The following TFRC variants were observed in gnomAD, a reference collection of about 807,000 sequenced individuals.
TFRC encodes transferrin receptor.
In TFRC, 35 loss-of-function variants were observed where a neutral mutation model predicts 85.8. The observed-to-expected ratio is 0.41, with a 90% confidence interval of 0.31 to 0.54. The LOEUF (loss-of-function observed/expected upper bound fraction) is 0.54. Ranked by LOEUF, TFRC falls within the 20% of genes least tolerant of loss-of-function variation. The pLI, the probability that TFRC is intolerant of heterozygous loss-of-function variation, is 0.31. For missense variants in TFRC, 828 were observed against 921.5 expected (o/e 0.90, Z 1.31); for synonymous variants, 362 against 328.6 (o/e 1.10, Z -1.10).
At chr3:196,052,911 G>T (rs1035177426) in intron 18 of TFRC, among the ~76,000 whole-genome samples, 9 of 151,986 alleles carry the variant, frequency 5.9e-5, no homozygotes, top group Admixed American at 5.9e-4. Context: ...TTGGGAGTTC[G>T]AGACCGGCCT....
chr3:196,078,844 G>C (rs558397962), intron 1 of TFRC, among the ~76,000 whole-genome samples: 58 of 149,974 alleles, frequency 3.9e-4, no homozygotes, highest in Non-Finnish European at 7.8e-4. Flanking sequence ...GCAGGATCTC[G>C]GCTCACTGCA....
At chr3:196,073,270 C>T (rs1718379679) in intron 4 of TFRC, among the ~76,000 whole-genome samples, 1 of 145,644 alleles carries the variant, frequency 6.9e-6, no homozygotes, top group Non-Finnish European at 1.5e-5. Flanking sequence ...GCCTGGGAGA[C>T]ATGGTGAGAC....
chr3:196,064,108 T>C (rs1029974046), intron 11 of TFRC, among the ~76,000 whole-genome samples: 51 of 152,166 alleles, frequency 3.4e-4, no homozygotes, highest in Non-Finnish European at 7.3e-5. Flanking sequence ...ACTGGTGATT[T>C]CTAGCACAGT....
At chr3:196,070,692 G>A (rs2108652088) in intron 6 of TFRC, among the ~76,000 whole-genome samples, 1 of 151,358 alleles carries the variant, frequency 6.6e-6, no homozygotes, top group South Asian at 2.1e-4. Flanking sequence ...CACTTTGGGA[G>A]GCTGAGGGTG....
At chr3:196,068,760 T>C (rs1717946222) in intron 7 of TFRC, among the ~76,000 whole-genome samples, 1 of 150,328 alleles carries the variant, frequency 6.7e-6, no homozygotes, top group African/African-American at 2.4e-5. Context: ...AAACCCTGTC[T>C]CTACTAAAAA....
chr3:196,074,598 G>A (rs540020232), intron 3 of TFRC, among the ~76,000 whole-genome samples: 1 of 152,274 alleles, frequency 6.6e-6, no homozygotes, highest in African/African-American at 2.4e-5. Flanking sequence ...AAGGCATAAA[G>A]TGGACGGGAA....
At chr3:196,054,353 C>T (rs1039367315) in intron 17 of TFRC, among the ~76,000 whole-genome samples, 9 of 151,792 alleles carry the variant, frequency 5.9e-5, no homozygotes, top group Admixed American at 3.9e-4. Flanking sequence ...TGCAGTGAGC[C>T]GAGATCATGT....
chr3:196,066,135 TGC>T (rs10560697), intron 9 of TFRC, among the ~76,000 whole-genome samples: 144,422 of 152,274 alleles, frequency 0.95, 68,641 homozygotes, highest in East Asian at 1. Context: ...TCTCTAACTA[TGC>T]GCCTTTCTGC....
rs115797169 is a variant in TFRC, at chr3:196,060,863, A to T, written c.1469-616T>A. Among the ~76,000 whole-genome samples, 730 of 151,530 alleles carry T rather than the reference A, an allele frequency of 4.8e-3. 7 individuals carry two copies. Among genetic ancestry groups the T allele is most frequent in the African/African-American group, 0.017 (706 of 41,308 alleles). ...TTAGGTTCAGCAGCAAAATTAAGAGAAAGGTACCTAGAGGTCCCATAAATC... is the reference window on the plus strand; with the variant it reads ...TTAGGTTCAGCAGCAAAATTAAGAGTAAGGTACCTAGAGGTCCCATAAATC... On this transcript the variant is annotated intron_variant, in intron 13 of 18. Coordinates refer to ENST00000360110, the MANE Select transcript of TFRC (RefSeq NM_001128148.3).
In TFRC at chr3:196,049,924, C is replaced by T. The variant is rs368013003; in HGVS notation, c.*2018G>A. On this transcript the variant is annotated 3_prime_UTR_variant, in exon 19 of 19. Transcript: ENST00000360110. Reference sequence around the variant, plus strand: ...CCCTATGAACTTTTCCCTAGGAGGCCGTTTCCAACTGCCCTATGACAAACA... The same window carrying T: ...CCCTATGAACTTTTCCCTAGGAGGCTGTTTCCAACTGCCCTATGACAAACA... 5 of 231,526 alleles carry T rather than the reference C, an allele frequency of 2.2e-5. 1 individual carries two copies. The highest frequency in any genetic ancestry group is 5.6e-5 in the Admixed American group (1 of 17,752). 14.3% of individuals were successfully genotyped at this position (231,526 alleles called of 1,614,324 possible). A position where few individuals can be genotyped will look rare whatever the true frequency, so the allele number is the denominator to read the frequency against.
rs79173394 is a variant in TFRC at position 196,079,333 on chromosome 3, G to A, written c.-23-2211C>T. On this transcript the variant is annotated intron_variant, in intron 1 of 18. Transcript: ENST00000360110. ...TTTAAGAACACAAAGCGATGGCCGG[G>A]CATGGTGGCTCACGCCTGTAATCCC... is the stretch of plus-strand genomic sequence containing the variant. 9.0e-3 allele frequency among the ~76,000 whole-genome samples: 1,365 copies of A among 152,328 alleles called. 22 individuals are homozygous for A. Among genetic ancestry groups the A allele is most frequent in the African/African-American group, 0.031 (1,307 of 41,570 alleles).
Position 196,055,170 on chromosome 3 carries a change from A to C in TFRC, c.1809T>G (p.His603Gln). 6.2e-7 allele frequency: 1 copy of C among 1,614,206 alleles called. No individual in the cohort carries two copies. The highest frequency in any genetic ancestry group is 8.5e-7 in the Non-Finnish European group (1 of 1,180,026). Residue 603 changes from histidine (H) to glutamine (Q), a missense_variant, in exon 17 of 19, where the codon CAT (histidine) becomes CAG (glutamine). By Grantham distance (24) the His-to-Gln change is conservative (BLOSUM62 0). Transcript: ENST00000360110. ...VAGQFVIKLT[H>Q]DVELNLDYER... ...CATAGTCCAGGTTCAATTCAACATC[A>C]TGGGTTAGTTTAATCACGAACTGAC...
intron 17 of TFRC, 22 bp downstream of exon 17, chr3:196,055,058 C>A (rs749777484): frequency 6.2e-7 from 1 of 1,606,964 alleles, no homozygotes; most frequent in African/African-American, 1.3e-5. Context: ...AAAATAAAAA[C>A]GTAATTGGAA....
At chr3:196,061,685 T>A (rs985562673) in intron 13 of TFRC, among the ~76,000 whole-genome samples, 4 of 152,138 alleles carry the variant, frequency 2.6e-5, no homozygotes, top group Non-Finnish European at 5.9e-5. Flanking sequence ...AGACGGGGTT[T>A]CACCATGTTG....
chr3:196,060,137 CA>C, intron 14 of TFRC, 42 bp downstream of exon 14: 1 of 1,531,734 alleles, frequency 6.5e-7, no homozygotes, highest in Non-Finnish European at 8.9e-7. Flanking sequence ...GTTGATTCAA[CA>C]AAAATTAAGT....
rs188394027 is a variant in TFRC, at chr3:196,076,080, G to A, written c.37-720C>T. Among the ~76,000 whole-genome samples the A allele has an allele frequency of 5.3e-5, 8 of 151,766 alleles. No individual in the cohort carries two copies. The East Asian group carries it at 1.2e-3, about 22-fold the overall frequency. On this transcript the variant is annotated intron_variant, in intron 2 of 18. Transcript: ENST00000360110. ...TTGAACTCAGGAGGCGGAGGTTACA[G>A]TGAGCTAAGATTGCACACTGCATTC...
At chr3:196,073,046 A>AC (rs1718349586) in intron 4 of TFRC, among the ~76,000 whole-genome samples, 1 of 128,432 alleles carries the variant, frequency 7.8e-6, no homozygotes, top group Non-Finnish European at 1.7e-5. Context: ...CAAAAAAAAA[A>AC]AAAAAAAAAA....
chr3:196,078,142 C>T lies in TFRC; in HGVS notation c.-23-1020G>A, dbSNP rs140699988. On this transcript the variant is annotated intron_variant, in intron 1 of 18. Transcript: ENST00000360110. ...TCAAAGTCCTAAGTTAAGTTAAAGG[C>T]CTTAACTGAAATCTGAATTTTCCAG... Among the ~76,000 whole-genome samples, 87 of 152,170 alleles carry T rather than the reference C, an allele frequency of 5.7e-4. No homozygotes were observed. The East Asian group carries it at 0.012, about 21-fold the overall frequency.
At chr3:196,072,514 G>T (rs1718296756) in intron 4 of TFRC, among the ~76,000 whole-genome samples, 1 of 152,140 alleles carries the variant, frequency 6.6e-6, no homozygotes, top group Non-Finnish European at 1.5e-5. Flanking sequence ...TCACCTACTT[G>T]TGAAGCATCT....
Sources: allele counts gnomAD v4.1 joint callset (sites outside exome capture counted in the v4.1 genomes callset), GRCh38; gene constraint gnomAD v4.1.1; transcripts MANE v1.5; gene names NCBI Gene and HGNC (gene_info 2026-07-23, HGNC 2026-07-21).